Variants in ATP6V0D2 observed in about 807,000 individuals in gnomAD.
The protein encoded by ATP6V0D2 is ATPase H+ transporting V0 subunit d2.
A neutral mutation model predicts 40.0 loss-of-function variants in ATP6V0D2; 40 were observed. That is an observed-to-expected ratio of 1.00 (90% CI 0.78 to 1.30). The LOEUF (loss-of-function observed/expected upper bound fraction) is 1.30, where lower values mean the gene tolerates loss of function less well. Among genes scored for constraint, ATP6V0D2 ranks in the 50% most tolerant of loss-of-function variants. ATP6V0D2 has a pLI of 0.00. For synonymous variants in ATP6V0D2, 179 were observed against 156.3 expected (o/e 1.15, Z -1.08); for missense variants, 470 against 423.1 (o/e 1.11, Z -0.97).
At chr8:86,150,397 T>C in intron 6 of ATP6V0D2, 109 bp downstream of exon 6, 1 of 1,121,808 alleles carries the variant, frequency 8.9e-7, no homozygotes, top group Non-Finnish European at 1.3e-6. Flanking sequence ...GTAATAATAT[T>C]TGTAAGGTAG....
At chr8:86,145,255 G>GAGAGAGAGAAAGAA (rs1563566173) in intron 5 of ATP6V0D2, among the ~76,000 whole-genome samples, 1 of 51,878 alleles carries the variant, frequency 1.9e-5, no homozygotes, top group Non-Finnish European at 3.6e-5. Flanking sequence ...GAGAGAGAGA[G>GAGAGAGAGAAAGAA]AGAAAGAAAG....
intron 1 of ATP6V0D2, among the ~76,000 whole-genome samples, chr8:86,112,308 A>G (rs988680770): frequency 2.6e-5 from 4 of 152,208 alleles, no homozygotes; most frequent in African/African-American, 7.2e-5. Flanking sequence ...TCTTTACAGA[A>G]CAAGTGATAA....
At chr8:86,145,233 A>AAGAAAGAAAGAG (rs1554589869) in intron 5 of ATP6V0D2, among the ~76,000 whole-genome samples, 14 of 38,472 alleles carry the variant, frequency 3.6e-4, no homozygotes, top group South Asian at 2.9e-3. Context: ...GAAAGAAAGA[A>AAGAAAGAAAGAG]AGAGAGAGAG....
At chr8:86,107,575 C>T (rs1818484147) in intron 1 of ATP6V0D2, among the ~76,000 whole-genome samples, 1 of 152,202 alleles carries the variant, frequency 6.6e-6, no homozygotes, top group Non-Finnish European at 1.5e-5. Flanking sequence ...TAAAACCATT[C>T]TGGCAATGGT....
At chr8:86,110,038 A>G (rs532334333) in intron 1 of ATP6V0D2, among the ~76,000 whole-genome samples, 11 of 152,274 alleles carry the variant, frequency 7.2e-5, no homozygotes, top group African/African-American at 2.6e-4. Context: ...CTCCTTTAAA[A>G]TTGACACATA....
At chr8:86,124,886 T>C (rs1398053884) in intron 2 of ATP6V0D2, among the ~76,000 whole-genome samples, 1 of 152,186 alleles carries the variant, frequency 6.6e-6, no homozygotes, top group East Asian at 1.9e-4. Flanking sequence ...TTATACAATA[T>C]ATAAATATAC....
chr8:86,152,068 C>G (rs1265711447), intron 7 of ATP6V0D2, among the ~76,000 whole-genome samples: 1 of 152,000 alleles, frequency 6.6e-6, no homozygotes, highest in Admixed American at 6.6e-5. Context: ...AATGCTATCC[C>G]TCCCCTATTC....
chr8:86,125,193 C>A (rs1373868475), intron 2 of ATP6V0D2, among the ~76,000 whole-genome samples: 1 of 152,132 alleles, frequency 6.6e-6, no homozygotes, highest in Admixed American at 6.6e-5. Context: ...AGGATGCCAT[C>A]GCTACAACAA....
chr8:86,150,195 T>C lies in ATP6V0D2; in HGVS notation c.723T>C (p.Tyr241=), dbSNP rs1819124233. The C allele has an allele frequency of 1.2e-6, 2 of 1,613,454 alleles. No individual in the cohort carries two copies. Among genetic ancestry groups the C allele is most frequent in the Non-Finnish European group, 1.7e-6 (2 of 1,179,900 alleles). Reference sequence around the variant, plus strand: ...GCAAAGAAGACCGAGAGACCCTCTATCCAACCTTCGGCAAACTCTATCCTG... The same window carrying C: ...GCAAAGAAGACCGAGAGACCCTCTACCCAACCTTCGGCAAACTCTATCCTG... ...ELSKEDRETL[Y]PTFGKLYPEG... Residue 241 remains tyrosine (Y), a synonymous_variant, in exon 6 of 8, where the codon TAT becomes TAC. Coordinates refer to ENST00000285393, the MANE Select transcript of ATP6V0D2 (RefSeq NM_152565.1).
At chr8:86,118,044 CTTCT>C (rs1184364346) in intron 2 of ATP6V0D2, among the ~76,000 whole-genome samples, 9 of 123,816 alleles carry the variant, frequency 7.3e-5, no homozygotes, top group Admixed American at 5.7e-4. Context: ...TTCTTTCTTT[CTTCT>C]TTCTTTTTCT....
At chr8:86,142,506 A>G (rs1818988587) in intron 4 of ATP6V0D2, among the ~76,000 whole-genome samples, 1 of 152,216 alleles carries the variant, frequency 6.6e-6, no homozygotes, top group South Asian at 2.1e-4. Flanking sequence ...ATGTGCCTCT[A>G]CAAGAGACTA....
Position 86,141,648 on chromosome 8 carries a change from T to C in ATP6V0D2, c.561+119T>C, listed in dbSNP as rs189219660. 5.0e-5 allele frequency: 34 copies of C among 675,986 alleles called. 1 individual carries two copies. In the East Asian group the frequency reaches 9.1e-4, roughly 18 times the overall value. 41.9% of individuals were successfully genotyped at this position (675,986 alleles called of 1,614,324 possible). A position where few individuals can be genotyped will look rare whatever the true frequency, so the allele number is the denominator to read the frequency against. The stretch of plus-strand genomic sequence containing the variant: ...TTCTGCAATTATGAAACTGTGCATA[T>C]TTGGAATATAGCTTTTATAGTTCTG... On this transcript the variant is annotated intron_variant, in intron 4 of 7. Coordinates refer to ENST00000285393, the MANE Select transcript of ATP6V0D2 (RefSeq NM_152565.1).
chr8:86,130,290 C>G (rs1818805297), intron 2 of ATP6V0D2, among the ~76,000 whole-genome samples: 1 of 152,090 alleles, frequency 6.6e-6, no homozygotes, highest in Admixed American at 6.6e-5. Flanking sequence ...AAGGAAATAA[C>G]ACAGTATGGA....
intron 1 of ATP6V0D2, among the ~76,000 whole-genome samples, chr8:86,111,790 C>T (rs1818530202): frequency 1.3e-5 from 2 of 152,206 alleles, no homozygotes; most frequent in South Asian, 4.1e-4. Context: ...TTCTAAGGCT[C>T]ATCTCCTTCA....
intron 2 of ATP6V0D2, among the ~76,000 whole-genome samples, chr8:86,132,207 T>C (rs1818834956): frequency 6.6e-6 from 1 of 152,190 alleles, no homozygotes; most frequent in Admixed American, 6.5e-5. Flanking sequence ...GTTGTTTTTT[T>C]AATTGATAAA....
chr8:86,111,147 T>C (rs1458803795), intron 1 of ATP6V0D2, among the ~76,000 whole-genome samples: 3 of 151,984 alleles, frequency 2.0e-5, no homozygotes, highest in African/African-American at 7.3e-5. Flanking sequence ...ACCCTCTCAC[T>C]TGTCCCCCAC....
intron 5 of ATP6V0D2, among the ~76,000 whole-genome samples, chr8:86,147,482 A>G (rs1386245593): frequency 6.6e-6 from 1 of 152,174 alleles, no homozygotes; most frequent in African/African-American, 2.4e-5. Context: ...AGAAACAGGA[A>G]CTAAGTCACA....
Position 86,150,263 on chromosome 8 carries a change from T to G in ATP6V0D2, c.791T>G (p.Met264Arg), listed in dbSNP as rs781436202. The part of the protein sequence containing the change: ...LLAQAEDFDQ[M>R]KNVADHYGVY... ...GCTCAAGCAGAAGACTTTGACCAGA[T>G]GAAGAACGTAGCGGATCATTACGGA... Residue 264 changes from methionine to arginine, a missense_variant, in exon 6 of 8, where the codon ATG (methionine) becomes AGG (arginine). Physicochemically the swap from Met to Arg is moderately conservative, Grantham distance 91. Transcript: ENST00000285393. The G allele has an allele frequency of 6.2e-7, 1 of 1,613,282 alleles. No homozygotes were observed. Among genetic ancestry groups the G allele is most frequent in the Non-Finnish European group, 8.5e-7 (1 of 1,179,900 alleles).
chr8:86,146,552 C>A (rs542873169), intron 5 of ATP6V0D2, among the ~76,000 whole-genome samples: 1 of 152,042 alleles, frequency 6.6e-6, no homozygotes, highest in Non-Finnish European at 1.5e-5. Flanking sequence ...AGAAATTAAC[C>A]GGGCATGGTG....
Sources: gnomAD v4.1 joint callset for allele counts (sites outside exome capture counted in the v4.1 genomes callset) on GRCh38, gnomAD v4.1.1 for gene constraint, MANE v1.5 for transcripts, NCBI Gene and HGNC (gene_info 2026-07-23, HGNC 2026-07-21) for gene names.